SH3BP4: variants seen among roughly 807,000 people sequenced by gnomAD.
SH3BP4 encodes SH3 domain-binding protein 4.
Under a neutral mutation model 65.5 loss-of-function variants are expected in SH3BP4, and 33 were observed. That is an observed-to-expected ratio of 0.50 (90% CI 0.38 to 0.67). SH3BP4 has a LOEUF of 0.67. Ranked by LOEUF, SH3BP4 falls within the 30% of genes least tolerant of loss-of-function variation. SH3BP4 has a pLI of 0.00. For missense variants in SH3BP4, 1,134 were observed against 1,261.4 expected (o/e 0.90, Z 1.53); for synonymous variants, 552 against 545.5 (o/e 1.01, Z -0.17).
chr2:235,024,319 A>G (rs747766608), intron 2 of SH3BP4, among the ~76,000 whole-genome samples: 17 of 152,310 alleles, frequency 1.1e-4, no homozygotes, highest in Non-Finnish European at 2.2e-4. Context: ...GTTTGCATGC[A>G]TGGGGTTGGC....
At chr2:235,018,821 A>G (rs961084760) in intron 2 of SH3BP4, among the ~76,000 whole-genome samples, 1 of 152,176 alleles carries the variant, frequency 6.6e-6, no homozygotes, top group Non-Finnish European at 1.5e-5. Flanking sequence ...TACCTTCCAG[A>G]GGGAGCCAGG....
rs1433994459 is a variant in SH3BP4 at position 234,977,097 on chromosome 2, A to C, written c.-206-18206A>C. On this transcript the variant is annotated intron_variant, in intron 1 of 5. Coordinates refer to ENST00000392011, the MANE Select transcript of SH3BP4 (RefSeq NM_014521.3). The surrounding 1 kb of genome is among the most constrained non-coding windows in gnomAD (Gnocchi z 5.1). ...GTATTATCTCCACGACTTTTCTATG[A>C]ATTTAAATCTATCCTAAAAGAAAAA... is the stretch of plus-strand genomic sequence containing the variant. Among the ~76,000 whole-genome samples, 2 of 152,224 alleles carry C rather than the reference A, an allele frequency of 1.3e-5. No homozygotes were observed. The highest frequency in any genetic ancestry group is 6.5e-5 in the Admixed American group (1 of 15,284).
intron 4 of SH3BP4, among the ~76,000 whole-genome samples, chr2:235,048,934 A>T (rs553528013): frequency 6.6e-6 from 1 of 152,228 alleles, no homozygotes; most frequent in South Asian, 2.1e-4. Flanking sequence ...AGGAAGCTGC[A>T]AGGATCAAGT....
chr2:235,025,355 G>T (rs946525055), intron 2 of SH3BP4, among the ~76,000 whole-genome samples: 4 of 152,146 alleles, frequency 2.6e-5, no homozygotes, highest in African/African-American at 4.8e-5. Flanking sequence ...AGAAGACATG[G>T]TGGGGGCCCC....
intron 1 of SH3BP4, among the ~76,000 whole-genome samples, chr2:234,961,178 T>C (rs1692699755): frequency 2.0e-5 from 3 of 152,210 alleles, no homozygotes; most frequent in Non-Finnish European, 4.4e-5. Flanking sequence ...CGTACTTCGC[T>C]CCTGGAGTTG....
At chr2:235,016,385 T>C (rs1694684440) in intron 2 of SH3BP4, among the ~76,000 whole-genome samples, 1 of 152,236 alleles carries the variant, frequency 6.6e-6, no homozygotes, top group African/African-American at 2.4e-5. Context: ...GCTGCGGTGT[T>C]GTACTTAGAA....
rs1416317320 is a variant in SH3BP4 at position 235,042,204 on chromosome 2, T to C, written c.1435T>C (p.Tyr479His). 1 of 1,614,100 alleles carries C rather than the reference T, an allele frequency of 6.2e-7. No homozygotes were observed. Among genetic ancestry groups the C allele is most frequent in the Non-Finnish European group, 8.5e-7 (1 of 1,180,030 alleles). ...CAATAAAAAAGTCACAGTGGGTCTC[T>C]ACGGCCCTAAACACATCCACCCATC... ...FINKKVTVGLYGPKHIHPSFK... is the reference protein window; with the variant it reads ...FINKKVTVGLHGPKHIHPSFK... Residue 479 changes from tyrosine (Y) to histidine (H), a missense_variant, in exon 4 of 6, where the codon TAC (tyrosine) becomes CAC (histidine). Coordinates refer to ENST00000392011, the MANE Select transcript of SH3BP4 (RefSeq NM_014521.3). This position sits in a 1 kb window ranked among gnomAD's most constrained non-coding sequence, Gnocchi z 7.3.
chr2:235,038,358 A>AAG (rs1183546194), intron 3 of SH3BP4, among the ~76,000 whole-genome samples: 1 of 14,242 alleles, frequency 7.0e-5, no homozygotes, highest in African/African-American at 1.7e-4. Flanking sequence ...TTTTATATAT[A>AAG]TATATATAAT....
At position 235,055,077 on chromosome 2, in the gene SH3BP4, T is replaced by C. The variant is rs1027673169; in HGVS notation, c.*1261T>C. ...CAGTGTTGCATTAATAACTTTAGGG[T>C]GCAGACATGCTGTGTGAATCTCACA... On this transcript the variant is annotated 3_prime_UTR_variant, in exon 6 of 6. Transcript: ENST00000392011. The C allele has an allele frequency of 6.6e-6, 1 of 152,216 alleles. No homozygotes were observed. Among genetic ancestry groups the C allele is most frequent in the African/African-American group, 2.4e-5 (1 of 41,450 alleles). The allele number at this position is 152,216 out of a possible 1,614,324, so 9.4% of individuals were successfully genotyped here. A position where few individuals can be genotyped will look rare whatever the true frequency, so the allele number is the denominator to read the frequency against.
rs375744207 is a variant in SH3BP4, at chr2:235,041,541, G to A, written c.772G>A (p.Asp258Asn). 4.2e-5 allele frequency: 68 copies of A among 1,614,110 alleles called. 1 individual carries two copies. Among genetic ancestry groups the A allele is most frequent in the African/African-American group, 3.3e-4 (25 of 75,044 alleles). Residue 258 changes from aspartate (D) to asparagine (N), a missense_variant, in exon 4 of 6, where the codon GAT becomes AAT. Coordinates refer to ENST00000392011, the MANE Select transcript of SH3BP4 (RefSeq NM_014521.3). This position sits in a 1 kb window ranked among gnomAD's most constrained non-coding sequence, Gnocchi z 6.0. ...SELSVLQAKS[D>N]APTSSSFFTG... The stretch of plus-strand genomic sequence containing the variant: ...ACTCTCCGTCCTCCAAGCCAAGTCC[G>A]ATGCTCCCACATCGTCGAGTTTCTT...
chr2:234,985,990 C>T (rs2106262704), intron 1 of SH3BP4, among the ~76,000 whole-genome samples: 1 of 150,624 alleles, frequency 6.6e-6, no homozygotes, highest in Non-Finnish European at 1.5e-5. Context: ...GCAGGTGAAC[C>T]AGCCTCTGAC....
intron 2 of SH3BP4, 173 bp downstream of exon 2, chr2:234,995,549 G>A: frequency 6.6e-6 from 1 of 152,464 alleles, no homozygotes; most frequent in Non-Finnish European, 1.5e-5. Context: ...CTCAGGCACT[G>A]CAGGCCTGTC....
chr2:234,969,989 A>C (rs1008650706), intron 1 of SH3BP4, among the ~76,000 whole-genome samples: 1 of 151,194 alleles, frequency 6.6e-6, no homozygotes, highest in Non-Finnish European at 1.5e-5. Context: ...ACACTCCCAC[A>C]TACACACACT....
chr2:235,048,002 G>A (rs1485164744), intron 4 of SH3BP4, among the ~76,000 whole-genome samples: 1 of 152,172 alleles, frequency 6.6e-6, no homozygotes, highest in Non-Finnish European at 1.5e-5. Flanking sequence ...GCTAGCAAGT[G>A]CATGGGGCGC....
rs1414164553 is a variant in SH3BP4, at chr2:234,997,173, A to C, written c.-133+1797A>C. ...GGTGCTTGGGGGCGTGGGTCCCCAC[A>C]GCAGTTAGAGACCATCCACAGGCCA... is the stretch of plus-strand genomic sequence containing the variant. On this transcript the variant is annotated intron_variant, in intron 2 of 5. Coordinates refer to ENST00000392011, the MANE Select transcript of SH3BP4 (RefSeq NM_014521.3). This position sits in a 1 kb window ranked among gnomAD's most constrained non-coding sequence, Gnocchi z 4.2. 6.6e-6 allele frequency among the ~76,000 whole-genome samples: 1 copy of C among 152,156 alleles called. No homozygotes were observed. The highest frequency in any genetic ancestry group is 1.5e-5 in the Non-Finnish European group (1 of 68,024).
rs182457936 is a variant in SH3BP4, at chr2:234,976,340, T to C, written c.-206-18963T>C. Among the ~76,000 whole-genome samples, 127 of 152,342 alleles carry C rather than the reference T, an allele frequency of 8.3e-4. No homozygotes were observed. The highest frequency in any genetic ancestry group is 3.0e-3 in the African/African-American group (123 of 41,586). On this transcript the variant is annotated intron_variant, in intron 1 of 5. Transcript: ENST00000392011. The surrounding 1 kb of genome is among the most constrained non-coding windows in gnomAD (Gnocchi z 4.7). ...CCAGGCTGTCACCTTTATTTATTTA[T>C]TCATTCAGTCACTTAGATTTTAAAC...
intron 1 of SH3BP4, among the ~76,000 whole-genome samples, chr2:234,960,703 G>A (rs924017607): frequency 6.6e-6 from 1 of 152,182 alleles, no homozygotes; most frequent in Non-Finnish European, 1.5e-5. Context: ...GGATTTTTCC[G>A]TGGTTTTGGA....
rs1692864765 is a variant in SH3BP4 at position 234,967,252 on chromosome 2, G to A, written c.-207+15082G>A. 6.6e-6 allele frequency among the ~76,000 whole-genome samples: 1 copy of A among 152,194 alleles called. No individual in the cohort carries two copies. The highest frequency in any genetic ancestry group is 1.5e-5 in the Non-Finnish European group (1 of 68,042). On this transcript the variant is annotated intron_variant, in intron 1 of 5. Transcript: ENST00000392011. This position sits in a 1 kb window ranked among gnomAD's most constrained non-coding sequence, Gnocchi z 4.6. ...GTCTCAATTCCAGGGTGAACAAGGTGCTTAACCGGGACCAGACTGGGGAGC... is the reference window on the plus strand; with the variant it reads ...GTCTCAATTCCAGGGTGAACAAGGTACTTAACCGGGACCAGACTGGGGAGC...
At chr2:234,973,557 T>C (rs764443279) in intron 1 of SH3BP4, among the ~76,000 whole-genome samples, 1 of 152,110 alleles carries the variant, frequency 6.6e-6, no homozygotes, top group Non-Finnish European at 1.5e-5. Flanking sequence ...TCTGAGGCAG[T>C]CGTATGCAAT....
Sources: gnomAD v4.1 joint callset for allele counts (sites outside exome capture counted in the v4.1 genomes callset) on GRCh38, gnomAD v4.1.1 for gene constraint, Gnocchi (gnomAD v3.1) non-coding constraint, MANE v1.5 for transcripts, NCBI Gene and HGNC (gene_info 2026-07-23, HGNC 2026-07-21) for gene names.